The following TENM2 variants were observed in gnomAD, a reference collection of about 807,000 sequenced individuals.
TENM2 encodes the protein teneurin-2.
TENM2 carries 52 observed loss-of-function variants against 245.2 expected under a neutral mutation model. The ratio of observed to expected loss-of-function variants is 0.21; its 90% CI spans 0.17 to 0.27. TENM2 has a LOEUF of 0.27. Ranked by LOEUF, TENM2 falls within the 10% of genes least tolerant of loss-of-function variation. The probability of loss-of-function intolerance (pLI) is 1.00; values close to 1 mark genes in which losing one functional copy is unlikely to be tolerated. For missense variants in TENM2, 3,046 were observed against 3,666.8 expected (o/e 0.83, Z 4.37); for synonymous variants, 1,363 against 1,438.9 (o/e 0.95, Z 1.19).
At chr5:167,873,425 T>C (rs1471370319) in intron 2 of TENM2, among the ~76,000 whole-genome samples, 1 of 152,180 alleles carries the variant, frequency 6.6e-6, no homozygotes, top group Non-Finnish European at 1.5e-5. Flanking sequence ...GGGTGAACTT[T>C]GAAATAGTTA....
chr5:167,178,210 G>A, the TENM2 span, among the ~76,000 whole-genome samples: 3 of 152,206 alleles, frequency 2.0e-5, no homozygotes, highest in Non-Finnish European at 4.4e-5. Context: ...CAAGTGACAA[G>A]TTGAGGTGGA....
chr5:167,048,984 C>G, the TENM2 span, among the ~76,000 whole-genome samples: 1 of 151,974 alleles, frequency 6.6e-6, no homozygotes, highest in East Asian at 1.9e-4. Context: ...ACTGGGAGAA[C>G]AGTGTACTTT....
chr5:167,435,781 A>T (rs773298328), intron 2 of TENM2, among the ~76,000 whole-genome samples: 1 of 152,042 alleles, frequency 6.6e-6, no homozygotes, highest in Admixed American at 6.6e-5. Context: ...TGATATGGAC[A>T]ATAAAATCCA....
chr5:168,051,553 C>T (rs1158641946), intron 6 of TENM2, among the ~76,000 whole-genome samples: 2 of 152,094 alleles, frequency 1.3e-5, no homozygotes, highest in Non-Finnish European at 2.9e-5. Flanking sequence ...TATAGGAGTC[C>T]AGAAGAGGAA....
intron 3 of TENM2, among the ~76,000 whole-genome samples, chr5:167,950,818 G>A (rs182074407): frequency 3.9e-5 from 6 of 152,222 alleles, no homozygotes; most frequent in Non-Finnish European, 7.4e-5. Context: ...GCCTGCTACA[G>A]CTATGAAACT....
intron 13 of TENM2, among the ~76,000 whole-genome samples, chr5:168,168,035 C>T (rs1361663320): frequency 6.6e-6 from 1 of 152,136 alleles, no homozygotes; most frequent in East Asian, 1.9e-4. Flanking sequence ...TACACAACCA[C>T]AAAGATTCTA....
At chr5:167,247,294 G>T in the TENM2 span, among the ~76,000 whole-genome samples, 1 of 152,070 alleles carries the variant, frequency 6.6e-6, no homozygotes, top group African/African-American at 2.4e-5. Flanking sequence ...CTGAGTTCAC[G>T]CTCTTTGCTA....
intron 2 of TENM2, among the ~76,000 whole-genome samples, chr5:167,534,409 G>A (rs1414225522): frequency 6.6e-6 from 1 of 152,154 alleles, no homozygotes; most frequent in Non-Finnish European, 1.5e-5. Flanking sequence ...TGTGCAAATT[G>A]CCTTTGGATT....
chr5:167,597,525 T>G (rs907866956), intron 2 of TENM2, among the ~76,000 whole-genome samples: 2 of 152,278 alleles, frequency 1.3e-5, no homozygotes, highest in Admixed American at 1.3e-4. Flanking sequence ...ATGTAAAATT[T>G]TCCTTGGATA....
intron 9 of TENM2, among the ~76,000 whole-genome samples, chr5:168,109,208 G>A (rs1403267046): frequency 2.0e-5 from 3 of 152,156 alleles, no homozygotes; most frequent in African/African-American, 4.8e-5. Flanking sequence ...GGATTCTTTG[G>A]CAGCAAAGGC....
the TENM2 span, among the ~76,000 whole-genome samples, chr5:167,061,118 A>ATG: frequency 1.3e-5 from 2 of 151,574 alleles, no homozygotes; most frequent in Non-Finnish European, 2.9e-5. Flanking sequence ...ACACACACAC[A>ATG]CACATGCATA....
chr5:167,309,402 G>GA (rs1755884051), intron 1 of TENM2, among the ~76,000 whole-genome samples: 1 of 152,134 alleles, frequency 6.6e-6, no homozygotes, highest in African/African-American at 2.4e-5. Context: ...ATCGTAAGTC[G>GA]AAAATGCACT....
intron 2 of TENM2, among the ~76,000 whole-genome samples, chr5:167,864,055 A>G (rs1427627784): frequency 2.0e-5 from 3 of 152,312 alleles, no homozygotes; most frequent in South Asian, 2.1e-4. Flanking sequence ...CTCCCAAGGC[A>G]TATAATCTTT....
chr5:167,647,621 TC>T (rs1780052788), intron 2 of TENM2, among the ~76,000 whole-genome samples: 1 of 151,454 alleles, frequency 6.6e-6, no homozygotes, highest in Non-Finnish European at 1.5e-5. Context: ...AGACTTAGTC[TC>T]AAAAAAAAAG....
At chr5:167,906,802 C>T (rs781067751) in intron 3 of TENM2, among the ~76,000 whole-genome samples, 1 of 152,092 alleles carries the variant, frequency 6.6e-6, no homozygotes, top group East Asian at 1.9e-4. Context: ...ACGTTACATC[C>T]CTTTGATTAA....
chr5:167,783,869 C>A (rs138727606), intron 2 of TENM2, among the ~76,000 whole-genome samples: 1 of 151,962 alleles, frequency 6.6e-6, no homozygotes, highest in Admixed American at 6.5e-5. Flanking sequence ...AGAAGTCCCC[C>A]GGGGGGACTT....
Position 167,580,755 on chromosome 5 carries a change from C to T in TENM2, c.502+205282C>T, listed in dbSNP as rs189793798. Among the ~76,000 whole-genome samples, 5 of 152,294 alleles carry T rather than the reference C, an allele frequency of 3.3e-5. No homozygotes were observed. The East Asian group carries it at 9.7e-4, about 30-fold the overall frequency. ...CTATAATCCCAGCACTTCGGGAGGC[C>T]GAGGTGGGCGGATTGCTTGAGGCCA... On this transcript the variant is annotated intron_variant, in intron 2 of 28. Coordinates refer to ENST00000518659, the Ensembl canonical transcript of TENM2.
chr5:167,477,505 A>G (rs912970671), intron 2 of TENM2, among the ~76,000 whole-genome samples: 1 of 152,214 alleles, frequency 6.6e-6, no homozygotes, highest in African/African-American at 2.4e-5. Flanking sequence ...TAGTATTTGT[A>G]TGTAATAATA....
At chr5:167,440,530 T>C (rs1764820602) in intron 2 of TENM2, among the ~76,000 whole-genome samples, 1 of 152,148 alleles carries the variant, frequency 6.6e-6, no homozygotes, top group Non-Finnish European at 1.5e-5. Context: ...ATGAAACATA[T>C]ATATAATGTC....
Sources: gnomAD v4.1 joint callset for allele counts (sites outside exome capture counted in the v4.1 genomes callset) on GRCh38, gnomAD v4.1.1 for gene constraint, MANE v1.5 for transcripts, NCBI Gene and HGNC (gene_info 2026-07-23, HGNC 2026-07-21) for gene names.